LSS: variants seen among roughly 807,000 people sequenced by gnomAD.
LSS encodes the protein lanosterol synthase.
In LSS, 90 loss-of-function variants were observed where a neutral mutation model predicts 110.3. The observed-to-expected ratio is 0.82, with a 90% confidence interval of 0.69 to 0.97. The LOEUF (loss-of-function observed/expected upper bound fraction) is 0.97. Among genes scored for constraint, LSS ranks in the 50% least tolerant of loss-of-function variants. LSS has a pLI of 0.00. For missense variants in LSS, 927 were observed against 990.0 expected (o/e 0.94, Z 0.85); for synonymous variants, 433 against 400.0 (o/e 1.08, Z -0.98).
rs767195114 is a variant in LSS, at chr21:46,191,196, AG to A, written c.2106del (p.Ser703ProfsTer58). On this transcript the variant is annotated frameshift_variant, in exon 22 of 22. Transcript: ENST00000397728. LOFTEE classifies it high-confidence loss of function. ...IAGVFNKSCA[I>X]SYTSYRNIFP... ...AAGATGTTCCTGTAGCTCGTGTAGGAGATGGCACAGGACTTGTTGAAGACCC... is the reference window on the plus strand; with the variant it reads ...AAGATGTTCCTGTAGCTCGTGTAGGAATGGCACAGGACTTGTTGAAGACCC... 8.2e-5 allele frequency: 132 copies of A among 1,613,902 alleles called. No homozygotes were observed. The highest frequency in any genetic ancestry group is 1.1e-4 in the Non-Finnish European group (125 of 1,179,988).
rs139587765 is a variant in LSS, at chr21:46,215,181, G to C, written c.1010C>G (p.Pro337Arg). The change falls in exon 9 of 22, where the codon CCG (proline) becomes CGG (arginine). Residue 337 changes from proline (P) to arginine (R), a missense_variant and splice_region_variant. Physicochemically the swap from Pro to Arg is moderately radical, Grantham distance 103. Transcript: ENST00000397728. ...DRFTKSISIG[P>R]ISKTINMLVR... The stretch of plus-strand genomic sequence containing the variant: ...CAGAGGCCGGGCAGGGGCACTGACC[G>C]GGCCGATGCTGATGCTCTTGGTGAA... 5.0e-6 allele frequency: 8 copies of C among 1,608,626 alleles called. No homozygotes were observed.
intron 18 of LSS, 68 bp downstream of exon 18, chr21:46,196,134 G>T: frequency 6.9e-7 from 1 of 1,447,104 alleles, no homozygotes; most frequent in Non-Finnish European, 9.7e-7. Flanking sequence ...ATTTATGAAC[G>T]CAGTGTGTGA....
rs1459379787 is a variant in LSS at position 46,224,351 on chromosome 21, C to A, written c.320-1613G>T. On this transcript the variant is annotated intron_variant, in intron 3 of 21. Coordinates refer to ENST00000397728, the MANE Select transcript of LSS (RefSeq NM_002340.6). ...AACAGCACAGCCAGACATTCGGGGC[C>A]ACTACTGGTCTCCGTGCATTGGTGG... Among the ~76,000 whole-genome samples, 4 of 152,156 alleles carry A rather than the reference C, an allele frequency of 2.6e-5. No homozygotes were observed. The East Asian group carries it at 7.7e-4, about 29-fold the overall frequency.
intron 17 of LSS, among the ~76,000 whole-genome samples, chr21:46,199,915 G>T (rs970742699): frequency 6.6e-6 from 1 of 152,154 alleles, no homozygotes; most frequent in Non-Finnish European, 1.5e-5. Flanking sequence ...ACATGAAGAG[G>T]AAGCTGAATG....
intron 17 of LSS, among the ~76,000 whole-genome samples, chr21:46,199,446 AG>A: frequency 6.6e-6 from 1 of 152,348 alleles, no homozygotes; most frequent in Middle Eastern, 3.4e-3. Context: ...CTTAAGATAC[AG>A]TTTGGCAGCT....
intron 3 of LSS, chr21:46,225,364 G>A: frequency 2.2e-6 from 1 of 452,820 alleles, no homozygotes. Context: ...CTGGGAAGAG[G>A]CCCGTTGCCA....
Position 46,219,578 on chromosome 21 carries a change from C to G in LSS, c.551-6G>C, listed in dbSNP as rs2277826. On this transcript the variant is annotated splice_polypyrimidine_tract_variant and splice_region_variant and intron_variant, in intron 5 of 21. Transcript: ENST00000397728. ...GGGGATGGCCACAGCACCACCTGAG[C>G]GGGGAGAGAATAGGCCCACGTCATC... 0.58 allele frequency: 909,226 copies of G among 1,566,868 alleles called. 268,157 individuals carry two copies. Among genetic ancestry groups the G allele is most frequent in the East Asian group, 0.73 (31,049 of 42,362 alleles).
At chr21:46,196,919 A>G (rs1336433959) in intron 17 of LSS, among the ~76,000 whole-genome samples, 1 of 152,264 alleles carries the variant, frequency 6.6e-6, no homozygotes, top group Non-Finnish European at 1.5e-5. Context: ...GGCAGCTTCC[A>G]GCTGAGGAAT....
At chr21:46,222,861 CT>C in intron 3 of LSS, 123 bp from the exon 4 acceptor site, 1 of 707,378 alleles carries the variant, frequency 1.4e-6, no homozygotes, top group Non-Finnish European at 2.4e-6. Context: ...AAAACACCCC[CT>C]GGAAAGGCCA....
intron 17 of LSS, among the ~76,000 whole-genome samples, chr21:46,203,448 A>G (rs2080005659): frequency 6.6e-6 from 1 of 152,234 alleles, no homozygotes; most frequent in African/African-American, 2.4e-5. Flanking sequence ...GAGACCAAAC[A>G]GCAACAGCAG....
At chr21:46,227,342 C>T (rs1007082568) in intron 3 of LSS, 1 of 584,102 alleles carries the variant, frequency 1.7e-6, no homozygotes, top group Non-Finnish European at 3.0e-6. Context: ...CTTCTCTTAT[C>T]AGAGAGCCTG....
intron 17 of LSS, among the ~76,000 whole-genome samples, chr21:46,197,302 CTT>C (rs1340931143): frequency 6.6e-6 from 1 of 152,134 alleles, no homozygotes; most frequent in Non-Finnish European, 1.5e-5. Flanking sequence ...GAAAGATTAA[CTT>C]ATCAAAACTG....
In LSS at chr21:46,222,283, T is replaced by G. The variant is rs530822316; in HGVS notation, c.429-308A>C. ...GCTATGGCTCTGCTCCCAAAGTGTG[T>G]GCCACATGGCAGGAAAGCTGTCAGG... is the stretch of plus-strand genomic sequence containing the variant. On this transcript the variant is annotated intron_variant, in intron 4 of 21. Transcript: ENST00000397728. 79 of 529,184 alleles carry G rather than the reference T, an allele frequency of 1.5e-4. No individual in the cohort carries two copies. In the South Asian group the frequency reaches 1.7e-3, roughly 11 times the overall value. The allele number at this position is 529,184 out of a possible 1,614,324, so 32.8% of individuals were successfully genotyped here. A position where few individuals can be genotyped will look rare whatever the true frequency, so the allele number is the denominator to read the frequency against.
chr21:46,214,859 GCA>G lies in LSS; in HGVS notation c.1011+319_1011+320del, dbSNP rs2080178953. Among the ~76,000 whole-genome samples the G allele has an allele frequency of 3.3e-5, 5 of 152,220 alleles. No homozygotes were observed. The South Asian group carries it at 1.0e-3, about 32-fold the overall frequency. On this transcript the variant is annotated intron_variant, in intron 9 of 21. Coordinates refer to ENST00000397728, the MANE Select transcript of LSS (RefSeq NM_002340.6). Reference sequence around the variant, plus strand: ...GGAGAGGGAACCAAGTGAGGAAAAAGCACCCCTCCCAGCTAGCCAGCTAGCCA... The same window carrying G: ...GGAGAGGGAACCAAGTGAGGAAAAAGCCCCTCCCAGCTAGCCAGCTAGCCA...
chr21:46,216,484 A>G lies in LSS; in HGVS notation c.688T>C (p.Trp230Arg). 6.2e-7 allele frequency: 1 copy of G among 1,613,340 alleles called. No homozygotes were observed. The highest frequency in any genetic ancestry group is 1.1e-5 in the South Asian group (1 of 91,026). ...AGGTACACCTGCCGGCAGTGGCACC[A>G]GAGTGTGGAGGGGTGTGCCGGTGCC... The part of the protein sequence containing the change: ...DWAPAHPSTL[W>R]CHCRQVYLPM... The change falls in exon 7 of 22, where the codon TGG becomes CGG. Residue 230 changes from tryptophan (W) to arginine (R), a missense_variant. Physicochemically the swap from Trp to Arg is moderately radical, Grantham distance 101. Coordinates refer to ENST00000397728, the MANE Select transcript of LSS (RefSeq NM_002340.6). This position sits in a 1 kb window ranked among gnomAD's most constrained non-coding sequence, Gnocchi z 4.2.
chr21:46,219,421 T>C, intron 6 of LSS, 55 bp downstream of exon 6: 1 of 1,260,120 alleles, frequency 7.9e-7, no homozygotes, highest in Non-Finnish European at 1.1e-6. Flanking sequence ...TCCCTGTCAC[T>C]CTACTCCCCG....
chr21:46,212,601 G>A (rs773792892), intron 11 of LSS, among the ~76,000 whole-genome samples: 4 of 152,138 alleles, frequency 2.6e-5, no homozygotes, highest in Non-Finnish European at 5.9e-5. Context: ...TCCCAGGCCC[G>A]GCCACACGCC....
At chr21:46,206,496 C>T (rs2080050009) in intron 16 of LSS, among the ~76,000 whole-genome samples, 176 bp downstream of exon 16, 2 of 152,226 alleles carry the variant, frequency 1.3e-5, no homozygotes, top group South Asian at 4.1e-4. Flanking sequence ...TCCTGCCACC[C>T]CGGGGGATGG....
chr21:46,190,271 T>A lies in LSS; in HGVS notation c.*833A>T, dbSNP rs76877696. ...TTTCTGTGTCCGTAAGTGTCCCCTG[T>A]GCATTTCTGTGTCCACAAGACTACT... is the stretch of plus-strand genomic sequence containing the variant. On this transcript the variant is annotated 3_prime_UTR_variant, in exon 22 of 22. Coordinates refer to ENST00000397728, the MANE Select transcript of LSS (RefSeq NM_002340.6). This position sits in a 1 kb window ranked among gnomAD's most constrained non-coding sequence, Gnocchi z 4.6. The A allele has an allele frequency of 8.7e-3, 1,486 of 170,654 alleles. 158 individuals carry two copies. The highest frequency in any genetic ancestry group is 0.035 in the African/African-American group (1,429 of 40,288). The allele number at this position is 170,654 out of a possible 1,614,324, so 10.6% of individuals were successfully genotyped here. A position where few individuals can be genotyped will look rare whatever the true frequency, so the allele number is the denominator to read the frequency against.
Sources: gnomAD v4.1 joint callset for allele counts (sites outside exome capture counted in the v4.1 genomes callset) on GRCh38, gnomAD v4.1.1 for gene constraint, Gnocchi (gnomAD v3.1) non-coding constraint, MANE v1.5 for transcripts, NCBI Gene and HGNC (gene_info 2026-07-23, HGNC 2026-07-21) for gene names.